Variants in ETV5 observed in about 807,000 individuals in gnomAD.
ETV5 encodes the protein ETS translocation variant 5.
Under a neutral mutation model 70.0 loss-of-function variants are expected in ETV5, and 10 were observed. The ratio of observed to expected loss-of-function variants is 0.14; its 90% confidence interval spans 0.09 to 0.24. ETV5 has a LOEUF of 0.24. ETV5 is among the 10% of genes least tolerant of loss of function. ETV5 has a pLI of 1.00. For synonymous variants in ETV5, 216 were observed against 242.2 expected (o/e 0.89, Z 1.01); for missense variants, 453 against 651.2 (o/e 0.70, Z 3.31).
intron 7 of ETV5, among the ~76,000 whole-genome samples, chr3:186,077,762 A>G (rs1036716104): frequency 6.6e-6 from 1 of 152,204 alleles, no homozygotes; most frequent in Non-Finnish European, 1.5e-5. Context: ...TTGAGAGGAC[A>G]GCACTCTTGA....
chr3:186,063,217 C>T (rs572914380), intron 9 of ETV5, among the ~76,000 whole-genome samples: 182 of 152,202 alleles, frequency 1.2e-3, no homozygotes, highest in African/African-American at 4.1e-3. Context: ...TTGCAGTGAG[C>T]GGAGATCATG....
At chr3:186,053,494 G>A (rs573899162) in intron 11 of ETV5, among the ~76,000 whole-genome samples, 1 of 152,296 alleles carries the variant, frequency 6.6e-6, no homozygotes, top group South Asian at 2.1e-4. Context: ...AAATATCTAG[G>A]CAGAATGAAA....
At chr3:186,050,178 A>G (rs973890744) in intron 12 of ETV5, among the ~76,000 whole-genome samples, 2 of 152,226 alleles carry the variant, frequency 1.3e-5, no homozygotes, top group Non-Finnish European at 2.9e-5. Flanking sequence ...TATTTTTATT[A>G]GAAATAGAGG....
At chr3:186,104,264 T>C (rs774000823) in intron 5 of ETV5, among the ~76,000 whole-genome samples, 2 of 152,152 alleles carry the variant, frequency 1.3e-5, no homozygotes, top group Non-Finnish European at 2.9e-5. Flanking sequence ...GCCTAGACCA[T>C]AAAAGCTCCC....
chr3:186,080,858 C>A (rs1713916414), intron 6 of ETV5, 188 bp downstream of exon 6: 7 of 547,380 alleles, frequency 1.3e-5, no homozygotes, highest in African/African-American at 5.7e-5. Context: ...TAATGGTTTT[C>A]TTTTGTGTGC....
At chr3:186,107,599 AT>A (rs1338106888) in intron 1 of ETV5, among the ~76,000 whole-genome samples, 1 of 152,208 alleles carries the variant, frequency 6.6e-6, no homozygotes, top group Non-Finnish European at 1.5e-5. Context: ...TCCAAGTATA[AT>A]TTTTTTAAAA....
At position 186,047,696 on chromosome 3, in the gene ETV5, C is replaced by A. The variant is rs1453741752; in HGVS notation, c.*943G>T. 1.7e-5 allele frequency: 4 copies of A among 233,378 alleles called. No individual in the cohort carries two copies. The highest frequency in any genetic ancestry group is 8.8e-5 in the African/African-American group (4 of 45,340). 14.5% of individuals were successfully genotyped at this position (233,378 alleles called of 1,614,324 possible). A position where few individuals can be genotyped will look rare whatever the true frequency, so the allele number is the denominator to read the frequency against. ...GGGCTTTCACATGGCCAAGGGGAAGCCTCAGCAAAGCCCCTCTCAAGCTGC... is the reference window on the plus strand; with the variant it reads ...GGGCTTTCACATGGCCAAGGGGAAGACTCAGCAAAGCCCCTCTCAAGCTGC... On this transcript the variant is annotated 3_prime_UTR_variant, in exon 13 of 13. Coordinates refer to ENST00000306376, the MANE Select transcript of ETV5 (RefSeq NM_004454.3).
Position 186,078,663 on chromosome 3 carries a change from C to T in ETV5, c.650+1154G>A, listed in dbSNP as rs544153729. Among the ~76,000 whole-genome samples the T allele has an allele frequency of 7.2e-5, 11 of 152,226 alleles. No individual in the cohort carries two copies. In the South Asian group the frequency reaches 1.0e-3, roughly 14 times the overall value. ...CAGCTGTGTCCTCCAGATGAGTCCCCGGTGGCAATAGAGGCCCACTCCAGA... is the reference window on the plus strand; with the variant it reads ...CAGCTGTGTCCTCCAGATGAGTCCCTGGTGGCAATAGAGGCCCACTCCAGA... On this transcript the variant is annotated intron_variant, in intron 7 of 12. Coordinates refer to ENST00000306376, the MANE Select transcript of ETV5 (RefSeq NM_004454.3).
At chr3:186,084,904 C>T (rs539806726) in intron 5 of ETV5, among the ~76,000 whole-genome samples, 2 of 151,986 alleles carry the variant, frequency 1.3e-5, no homozygotes, top group Non-Finnish European at 2.9e-5. Flanking sequence ...TGCTCTAGAA[C>T]AAAGGAAAAA....
chr3:186,107,543 C>T (rs1714617162), intron 1 of ETV5, among the ~76,000 whole-genome samples: 1 of 152,180 alleles, frequency 6.6e-6, no homozygotes, highest in African/African-American at 2.4e-5. Context: ...AATAAACTGC[C>T]ATAAACGAAC....
Position 186,052,280 on chromosome 3 carries a change from C to G in ETV5, c.1210-149G>C. The G allele has an allele frequency of 1.6e-6, 1 of 639,958 alleles. No homozygotes were observed. Among genetic ancestry groups the G allele is most frequent in the Non-Finnish European group, 2.7e-6 (1 of 366,018 alleles). 39.6% of individuals were successfully genotyped at this position (639,958 alleles called of 1,614,324 possible). ...TGGAAGGGAAGGCATTTAACTCCCT[C>G]AAGACCAAACATTCAACAAAGGCGA... On this transcript the variant is annotated intron_variant, in intron 11 of 12. Transcript: ENST00000306376. This position sits in a 1 kb window ranked among gnomAD's most constrained non-coding sequence, Gnocchi z 4.5.
chr3:186,101,905 C>T (rs1714467228), intron 5 of ETV5, among the ~76,000 whole-genome samples: 1 of 152,216 alleles, frequency 6.6e-6, no homozygotes, highest in African/African-American at 2.4e-5. Context: ...ATGAGGTCCA[C>T]TGGTAGAATC....
intron 7 of ETV5, among the ~76,000 whole-genome samples, chr3:186,072,859 G>A (rs1465133121): frequency 1.3e-5 from 2 of 152,160 alleles, no homozygotes; most frequent in African/African-American, 4.8e-5. Context: ...CTTTGGCTGG[G>A]CGTGGTGGTG....
At chr3:186,071,104 A>G (rs944304870) in intron 7 of ETV5, among the ~76,000 whole-genome samples, 5 of 152,056 alleles carry the variant, frequency 3.3e-5, no homozygotes, top group Non-Finnish European at 7.3e-5. Flanking sequence ...CACTCCCAAC[A>G]TTTGGTTTAC....
chr3:186,089,698 G>A (rs530927054), intron 5 of ETV5, among the ~76,000 whole-genome samples: 2 of 152,148 alleles, frequency 1.3e-5, no homozygotes, highest in African/African-American at 2.4e-5. Context: ...GTCAGCGACT[G>A]GCCAAGACTT....
intron 5 of ETV5, among the ~76,000 whole-genome samples, chr3:186,083,487 C>G (rs1020575802): frequency 1.3e-5 from 2 of 152,126 alleles, no homozygotes; most frequent in African/African-American, 4.8e-5. Flanking sequence ...AGAGGGTATG[C>G]CAAAGTTGCC....
chr3:186,106,857 G>A (rs1257793541), intron 1 of ETV5: 1 of 714,266 alleles, frequency 1.4e-6, no homozygotes, highest in Non-Finnish European at 1.7e-6. Context: ...AACAATTTCA[G>A]GGAGGTACCA....
rs2150141102 is a variant in ETV5 at position 186,052,538 on chromosome 3, C to A, written c.1210-407G>T. On this transcript the variant is annotated intron_variant, in intron 11 of 12. Transcript: ENST00000306376. The surrounding 1 kb of genome is among the most constrained non-coding windows in gnomAD (Gnocchi z 4.5). Reference sequence around the variant, plus strand: ...ATGGTCATTCCTGAAACATTAGAAACACACTAGTGAGTTGCTAATGGGCCA... The same window carrying A: ...ATGGTCATTCCTGAAACATTAGAAAAACACTAGTGAGTTGCTAATGGGCCA... 6.6e-6 allele frequency among the ~76,000 whole-genome samples: 1 copy of A among 152,286 alleles called. No individual in the cohort carries two copies. The highest frequency in any genetic ancestry group is 2.1e-4 in the South Asian group (1 of 4,822).
At chr3:186,055,978 T>C (rs1713153502) in intron 11 of ETV5, among the ~76,000 whole-genome samples, 2 of 152,130 alleles carry the variant, frequency 1.3e-5, no homozygotes, top group South Asian at 4.1e-4. Flanking sequence ...CGTATGTCAG[T>C]TTTTTTGGGC....
Sources: allele counts gnomAD v4.1 joint callset (sites outside exome capture counted in the v4.1 genomes callset), GRCh38; gene constraint gnomAD v4.1.1; non-coding constraint Gnocchi (gnomAD v3.1); transcripts MANE v1.5; gene names NCBI Gene and HGNC (gene_info 2026-07-23, HGNC 2026-07-21).